ZBTB44: variants seen among roughly 807,000 people sequenced by gnomAD.
ZBTB44 encodes zinc finger and BTB domain containing 44.
ZBTB44 carries 15 observed loss-of-function variants against 54.0 expected under a neutral mutation model. The ratio of observed to expected loss-of-function variants is 0.28; its 90% CI spans 0.19 to 0.43. ZBTB44 has a LOEUF of 0.43. Ranked by LOEUF, ZBTB44 falls within the 20% of genes least tolerant of loss-of-function variation. The pLI, the probability that ZBTB44 is intolerant of heterozygous loss-of-function variation, is 1.00. For synonymous variants in ZBTB44, 230 were observed against 250.1 expected, an observed-to-expected ratio of 0.92 and a Z score of 0.76; for missense variants, 487 against 707.1, an observed-to-expected ratio of 0.69 and a Z score of 3.53.
rs1409094868 is a variant in ZBTB44, at chr11:130,230,735, A to C, written c.*1029T>G. Reference sequence around the variant, plus strand: ...TAAAACTTAAAATGCCAAAAAATAAAGACCAATATTAATCTCTTTATTTCT... The same window carrying C: ...TAAAACTTAAAATGCCAAAAAATAACGACCAATATTAATCTCTTTATTTCT... On this transcript the variant is annotated 3_prime_UTR_variant, in exon 8 of 8. Coordinates refer to ENST00000357899, the MANE Select transcript of ZBTB44 (RefSeq NM_001301098.2). The C allele has an allele frequency of 1.3e-5, 2 of 152,080 alleles. No homozygotes were observed. The highest frequency in any genetic ancestry group is 1.3e-4 in the Admixed American group (2 of 15,276). 9.4% of individuals were successfully genotyped at this position (152,080 alleles called of 1,614,324 possible).
chr11:130,303,941 T>C (rs1326197084), intron 1 of ZBTB44, among the ~76,000 whole-genome samples: 1 of 152,196 alleles, frequency 6.6e-6, no homozygotes, highest in Non-Finnish European at 1.5e-5. Context: ...TACAAGTCAG[T>C]GATTTACTCC....
At chr11:130,307,732 C>T (rs1942358214) in intron 1 of ZBTB44, among the ~76,000 whole-genome samples, 1 of 152,146 alleles carries the variant, frequency 6.6e-6, no homozygotes, top group African/African-American at 2.4e-5. Context: ...AATCTGGGCT[C>T]ACTGCTGGAG....
chr11:130,281,538 A>C (rs1427657104), intron 1 of ZBTB44, among the ~76,000 whole-genome samples: 1 of 150,858 alleles, frequency 6.6e-6, no homozygotes, highest in Non-Finnish European at 1.5e-5. Context: ...TAAATAAATA[A>C]ATAAATAAAT....
At chr11:130,246,859 T>C (rs113305503) in intron 2 of ZBTB44, among the ~76,000 whole-genome samples, 1,964 of 152,244 alleles carry the variant, frequency 0.013, 46 homozygotes, top group African/African-American at 0.045. Context: ...ATCAAGTCAC[T>C]CTGTGACCCT....
intron 2 of ZBTB44, among the ~76,000 whole-genome samples, chr11:130,242,842 C>T (rs1277049095): frequency 2.2e-4 from 33 of 152,220 alleles, no homozygotes; most frequent in Non-Finnish European, 1.5e-4. Flanking sequence ...AACCTCTCCT[C>T]TCTCTTTAGA....
chr11:130,251,608 G>A (rs1938011795), intron 2 of ZBTB44, among the ~76,000 whole-genome samples: 1 of 151,816 alleles, frequency 6.6e-6, no homozygotes, highest in Non-Finnish European at 1.5e-5. Context: ...TACAGAGAGT[G>A]GGGGCCAATA....
chr11:130,303,379 T>C (rs1232715695), intron 1 of ZBTB44, among the ~76,000 whole-genome samples: 2 of 152,242 alleles, frequency 1.3e-5, no homozygotes, highest in African/African-American at 2.4e-5. Flanking sequence ...CTCACACGTT[T>C]AATCCCGGCA....
chr11:130,308,138 A>C (rs1445691919), intron 1 of ZBTB44, among the ~76,000 whole-genome samples: 1 of 152,234 alleles, frequency 6.6e-6, no homozygotes, highest in East Asian at 1.9e-4. Flanking sequence ...AACATGCTGT[A>C]CAGATACGTG....
Position 130,229,826 on chromosome 11 carries a change from T to C in ZBTB44, c.*1938A>G. On this transcript the variant is annotated 3_prime_UTR_variant, in exon 8 of 8. Coordinates refer to ENST00000357899, the MANE Select transcript of ZBTB44 (RefSeq NM_001301098.2). ...TACAGTGAAAACTACATTTATTTAT[T>C]ACCTTCTGGCAACTTTGGGTCTGTT... 1 of 152,154 alleles carries C rather than the reference T, an allele frequency of 6.6e-6. No individual in the cohort carries two copies. Among genetic ancestry groups the C allele is most frequent in the East Asian group, 1.9e-4 (1 of 5,198 alleles). 9.4% of individuals were successfully genotyped at this position (152,154 alleles called of 1,614,324 possible). A position where few individuals can be genotyped will look rare whatever the true frequency, so the allele number is the denominator to read the frequency against.
chr11:130,297,377 G>C (rs1431680844), intron 1 of ZBTB44, among the ~76,000 whole-genome samples: 1 of 152,036 alleles, frequency 6.6e-6, no homozygotes, highest in Admixed American at 6.6e-5. Flanking sequence ...TTAAATTTTT[G>C]TACCTTTTAA....
At chr11:130,275,859 C>T (rs1314833679) in intron 1 of ZBTB44, among the ~76,000 whole-genome samples, 2 of 152,126 alleles carry the variant, frequency 1.3e-5, no homozygotes, top group East Asian at 2.0e-4. Flanking sequence ...ATCTCTTGGC[C>T]TCGTGATCGG....
intron 1 of ZBTB44, among the ~76,000 whole-genome samples, chr11:130,293,499 G>C (rs1323841515): frequency 6.7e-6 from 1 of 149,158 alleles, no homozygotes; most frequent in Non-Finnish European, 1.5e-5. Flanking sequence ...AGACCATTTG[G>C]CCGGGTGTGG....
At chr11:130,302,121 C>T (rs559343489) in intron 1 of ZBTB44, among the ~76,000 whole-genome samples, 5 of 151,926 alleles carry the variant, frequency 3.3e-5, no homozygotes, top group Non-Finnish European at 7.4e-5. Flanking sequence ...CAATATGTGC[C>T]AAGTATTGTT....
rs150405970 is a variant in ZBTB44, at chr11:130,280,057, A to G, written c.-56-18128T>C. 2.6e-3 allele frequency among the ~76,000 whole-genome samples: 390 copies of G among 152,222 alleles called. 2 individuals carry two copies. Among genetic ancestry groups the G allele is most frequent in the African/African-American group, 9.2e-3 (383 of 41,550 alleles). On this transcript the variant is annotated intron_variant, in intron 1 of 7. Coordinates refer to ENST00000357899, the MANE Select transcript of ZBTB44 (RefSeq NM_001301098.2). ...GAAGACTTCTAGGCTTGACTCAATC[A>G]TTGCTTCACAAGCCAGCGCAACGGC...
At chr11:130,307,493 T>C (rs1305481068) in intron 1 of ZBTB44, among the ~76,000 whole-genome samples, 1 of 152,132 alleles carries the variant, frequency 6.6e-6, no homozygotes, top group Non-Finnish European at 1.5e-5. Flanking sequence ...TCCATCTTGA[T>C]TTTTACTCTA....
intron 1 of ZBTB44, among the ~76,000 whole-genome samples, chr11:130,297,969 C>T (rs975105246): frequency 2.0e-5 from 3 of 152,090 alleles, no homozygotes; most frequent in Non-Finnish European, 4.4e-5. Flanking sequence ...TATGGAAGAA[C>T]ATATATCATG....
At chr11:130,276,240 A>AAAAAAAAG (rs1555171839) in intron 1 of ZBTB44, among the ~76,000 whole-genome samples, 3 of 143,226 alleles carry the variant, frequency 2.1e-5, no homozygotes, top group African/African-American at 7.8e-5. Flanking sequence ...CTCAAAAAAA[A>AAAAAAAAG]AAAAAAGAAA....
At chr11:130,266,239 G>A (rs1939240273) in intron 1 of ZBTB44, among the ~76,000 whole-genome samples, 1 of 152,218 alleles carries the variant, frequency 6.6e-6, no homozygotes, top group African/African-American at 2.4e-5. Context: ...CCTGATGACA[G>A]CACATCTATT....
chr11:130,253,393 G>A (rs578015954), intron 2 of ZBTB44, among the ~76,000 whole-genome samples: 7 of 152,226 alleles, frequency 4.6e-5, no homozygotes, highest in African/African-American at 1.7e-4. Context: ...AAATCAATGT[G>A]CAAAAATCAC....
Sources: allele counts gnomAD v4.1 joint callset (sites outside exome capture counted in the v4.1 genomes callset), GRCh38; gene constraint gnomAD v4.1.1; transcripts MANE v1.5; gene names NCBI Gene and HGNC (gene_info 2026-07-23, HGNC 2026-07-21).